Variants in UBE2O observed in about 807,000 individuals in gnomAD.
UBE2O encodes the protein (E3-independent) E2 ubiquitin-conjugating enzyme.
Under a neutral mutation model 125.8 loss-of-function variants are expected in UBE2O, and 15 were observed. The observed-to-expected ratio is 0.12, with a 90% CI of 0.08 to 0.18. The LOEUF (loss-of-function observed/expected upper bound fraction) is 0.18, where lower values mean the gene tolerates loss of function less well. UBE2O is among the 10% of genes least tolerant of loss of function. The pLI is 1.00. For missense variants in UBE2O, 1,280 were observed against 1,723.6 expected, an observed-to-expected ratio of 0.74 and a Z score of 4.56; for synonymous variants, 708 against 703.2, an observed-to-expected ratio of 1.01 and a Z score of -0.11.
At chr17:76,429,781 G>A (rs2072873534) in intron 1 of UBE2O, among the ~76,000 whole-genome samples, 1 of 152,148 alleles carries the variant, frequency 6.6e-6, no homozygotes, top group African/African-American at 2.4e-5. Flanking sequence ...CACTCCAGGA[G>A]CAGGCAGGGG....
chr17:76,442,151 G>T (rs982493350), intron 1 of UBE2O, among the ~76,000 whole-genome samples: 1 of 152,316 alleles, frequency 6.6e-6, no homozygotes, highest in African/African-American at 2.4e-5. Context: ...ACCAGCTCTA[G>T]CTAGCTCTAG....
Position 76,392,104 on chromosome 17 carries a change from A to T in UBE2O, c.2956T>A (p.Ser986Thr). The T allele has an allele frequency of 1.2e-6, 1 of 819,212 alleles. No individual in the cohort carries two copies. The highest frequency in any genetic ancestry group is 1.8e-6 in the Non-Finnish European group (1 of 569,036). 50.7% of individuals were successfully genotyped at this position (819,212 alleles called of 1,614,324 possible). Residue 986 changes from serine (S) to threonine (T), a missense_variant, in exon 16 of 18, where the codon TCA (serine) becomes ACA (threonine). By Grantham distance (58) the Ser-to-Thr change is moderately conservative (BLOSUM62 1). Transcript: ENST00000319380. ...CGAGTGGGGCCCTTGATGAGAGCTG[A>T]GAAGAGGTCCTAGGTAGGGAGGGAG... ...KTFEDRMDLFSALIKGPTRTP... is the reference protein window; with the variant it reads ...KTFEDRMDLFTALIKGPTRTP...
chr17:76,392,120 AG>A lies in UBE2O; in HGVS notation c.2947-8del. On this transcript the variant is annotated splice_region_variant and splice_polypyrimidine_tract_variant and intron_variant, in intron 15 of 17. Coordinates refer to ENST00000319380, the MANE Select transcript of UBE2O (RefSeq NM_022066.4). ...TGAGAGCTGAGAAGAGGTCCTAGGT[AG>A]GGAGGGAGGGAGGGAGGCCAAGGTT... 2.8e-6 allele frequency: 1 copy of A among 357,984 alleles called. No individual in the cohort carries two copies. Among genetic ancestry groups the A allele is most frequent in the Non-Finnish European group, 5.5e-6 (1 of 180,450 alleles). The allele number at this position is 357,984 out of a possible 1,614,324, so 22.2% of individuals were successfully genotyped here.
In UBE2O at chr17:76,396,470, T is replaced by C; in HGVS notation, c.2467A>G (p.Ser823Gly). The change falls in exon 14 of 18, where the codon AGC (serine) becomes GGC (glycine). Residue 823 changes from serine (S) to glycine (G), a missense_variant. By Grantham distance (56) the Ser-to-Gly change is moderately conservative. This residue lies in a region of UBE2O where 210 missense variants were observed against 268.9 expected (regional missense o/e 0.78). Transcript: ENST00000319380. This position sits in a 1 kb window ranked among gnomAD's most constrained non-coding sequence, Gnocchi z 6.7. ...TGCTCCACAGTCATGTTCTTGAGGC[T>C]CTCCAGGATCTTGATGGCCTCTTTC... The part of the protein sequence containing the change: ...ELKEAIKILE[S>G]LKNMTVEQLL... The C allele has an allele frequency of 6.2e-7, 1 of 1,613,966 alleles. No homozygotes were observed. The highest frequency in any genetic ancestry group is 2.2e-5 in the East Asian group (1 of 44,866).
intron 1 of UBE2O, among the ~76,000 whole-genome samples, chr17:76,428,887 G>A (rs1440331428): frequency 6.6e-6 from 1 of 151,840 alleles, no homozygotes; most frequent in African/African-American, 2.4e-5. Flanking sequence ...GAAGGGTAGA[G>A]GGGACCCCTC....
chr17:76,430,896 C>T, intron 1 of UBE2O: 1 of 414,712 alleles, frequency 2.4e-6, no homozygotes, highest in Non-Finnish European at 4.8e-6. Flanking sequence ...AAGTTGCCAG[C>T]TTTTCTTGCC....
intron 1 of UBE2O, among the ~76,000 whole-genome samples, chr17:76,441,985 C>G (rs185436886): frequency 1.3e-5 from 2 of 152,324 alleles, no homozygotes; most frequent in South Asian, 2.1e-4. Context: ...TAGAGAGCCT[C>G]GTTCGTACTT....
chr17:76,425,309 T>C (rs2072794190), intron 1 of UBE2O, among the ~76,000 whole-genome samples: 1 of 151,640 alleles, frequency 6.6e-6, no homozygotes, highest in African/African-American at 2.4e-5. Flanking sequence ...GCTCATATTG[T>C]ATTTTTTTAA....
rs1168566065 is a variant in UBE2O at position 76,402,516 on chromosome 17, T to A, written c.686+86A>T. The A allele has an allele frequency of 1.7e-6, 2 of 1,155,060 alleles. No individual in the cohort carries two copies. The highest frequency in any genetic ancestry group is 2.6e-6 in the Non-Finnish European group (2 of 767,120). 71.6% of individuals were successfully genotyped at this position (1,155,060 alleles called of 1,614,324 possible). On this transcript the variant is annotated intron_variant, in intron 4 of 17. Coordinates refer to ENST00000319380, the MANE Select transcript of UBE2O (RefSeq NM_022066.4). The surrounding 1 kb of genome is among the most constrained non-coding windows in gnomAD (Gnocchi z 5.4). ...CCCTTGATCAAACCTGTCATCACTG[T>A]CCCCAGGAGGAAACACCCTCCTCCT...
Position 76,391,405 on chromosome 17 carries a change from C to A in UBE2O, c.3417G>T (p.Val1139=). The A allele has an allele frequency of 1.2e-6, 2 of 1,613,518 alleles. No homozygotes were observed. The highest frequency in any genetic ancestry group is 1.7e-6 in the Non-Finnish European group (2 of 1,180,038). ...QHFSTGGWRL[V]NRIESWLETH... ...TTTCCAGCCAGGACTCGATACGGTTCACCAGCCGCCAGCCACCAGTGCTAA... is the reference window on the plus strand; with the variant it reads ...TTTCCAGCCAGGACTCGATACGGTTAACCAGCCGCCAGCCACCAGTGCTAA... Residue 1139 remains valine, a synonymous_variant, in exon 18 of 18, where the codon GTG becomes GTT. Coordinates refer to ENST00000319380, the MANE Select transcript of UBE2O (RefSeq NM_022066.4). This position sits in a 1 kb window ranked among gnomAD's most constrained non-coding sequence, Gnocchi z 8.4.
rs534540587 is a variant in UBE2O, at chr17:76,400,170, C to G, written c.1132G>C (p.Gly378Arg). The G allele has an allele frequency of 6.2e-6, 10 of 1,614,038 alleles. No individual in the cohort carries two copies. Among genetic ancestry groups the G allele is most frequent in the Middle Eastern group, 1.6e-4 (1 of 6,080 alleles). ...ACCTTCTTGGCCATAGAGCCCTCCC[C>G]CTGGGCGCAGTTTTTTTCTGGACAT... ...WECPEKNCAQ[G>R]EGSMAKKVKR... Residue 378 changes from glycine (G) to arginine (R), a missense_variant, in exon 8 of 18, where the codon GGG becomes CGG. Around this residue, in one of 10 missense-constraint regions of UBE2O, gnomAD observed 141 missense variants for 141.3 expected, o/e 1.00. Coordinates refer to ENST00000319380, the MANE Select transcript of UBE2O (RefSeq NM_022066.4). The surrounding 1 kb of genome is among the most constrained non-coding windows in gnomAD (Gnocchi z 4.3).
At chr17:76,446,432 A>G (rs554750741) in intron 1 of UBE2O, among the ~76,000 whole-genome samples, 15 of 150,886 alleles carry the variant, frequency 9.9e-5, no homozygotes, top group Admixed American at 2.0e-4. Flanking sequence ...TCCTCTTAGT[A>G]TAACAGGAAA....
rs1306933021 is a variant in UBE2O at position 76,395,113 on chromosome 17, T to C, written c.2946+612A>G. Among the ~76,000 whole-genome samples, 1 of 152,160 alleles carries C rather than the reference T, an allele frequency of 6.6e-6. No homozygotes were observed. Among genetic ancestry groups the C allele is most frequent in the Non-Finnish European group, 1.5e-5 (1 of 68,030 alleles). On this transcript the variant is annotated intron_variant, in intron 15 of 17. Coordinates refer to ENST00000319380, the MANE Select transcript of UBE2O (RefSeq NM_022066.4). The surrounding 1 kb of genome is among the most constrained non-coding windows in gnomAD (Gnocchi z 5.0). ...CTGGTCTCAAACTTCTGACCTCAGG[T>C]GATCCACCTGCCTCGGCTTCCCGAA...
intron 1 of UBE2O, among the ~76,000 whole-genome samples, chr17:76,431,648 G>A (rs1344815854): frequency 1.2e-4 from 4 of 34,218 alleles, no homozygotes; most frequent in African/African-American, 1.8e-4. Context: ...GTAGGGAAAA[G>A]AAAGACTATT....
chr17:76,433,852 ACT>A (rs2072941510), intron 1 of UBE2O, among the ~76,000 whole-genome samples: 1 of 152,132 alleles, frequency 6.6e-6, no homozygotes, highest in South Asian at 2.1e-4. Flanking sequence ...TGAGATGGTG[ACT>A]CTACAAAAAA....
At chr17:76,412,883 C>A (rs1161649861) in intron 1 of UBE2O, among the ~76,000 whole-genome samples, 1 of 152,088 alleles carries the variant, frequency 6.6e-6, no homozygotes, top group Non-Finnish European at 1.5e-5. Flanking sequence ...TGGTGGGCAC[C>A]TGTAATCCCA....
chr17:76,411,696 T>C (rs1032683037), intron 1 of UBE2O, among the ~76,000 whole-genome samples: 1 of 152,124 alleles, frequency 6.6e-6, no homozygotes, highest in Non-Finnish European at 1.5e-5. Context: ...TTTTTTCTTT[T>C]TTTTCTTGAG....
chr17:76,408,237 C>T (rs1297923634), intron 1 of UBE2O, among the ~76,000 whole-genome samples: 4 of 152,216 alleles, frequency 2.6e-5, no homozygotes, highest in Admixed American at 6.5e-5. Context: ...AAGGAACCGA[C>T]GTGCTCCTGG....
At chr17:76,435,333 ACTACATATTTGTTTAAAC>A (rs1324473906) in intron 1 of UBE2O, among the ~76,000 whole-genome samples, 2 of 151,850 alleles carry the variant, frequency 1.3e-5, no homozygotes, top group Non-Finnish European at 2.9e-5. Context: ...CAAACATTTC[ACTACATATTTGTTTAAAC>A]CTTTTGAATG....
Sources: allele counts gnomAD v4.1 joint callset (sites outside exome capture counted in the v4.1 genomes callset), GRCh38; gene constraint gnomAD v4.1.1; regional missense constraint gnomAD v4.1.1; non-coding constraint Gnocchi (gnomAD v3.1); transcripts MANE v1.5; gene names NCBI Gene and HGNC (gene_info 2026-07-23, HGNC 2026-07-21).